The following MIA2 variants were observed in gnomAD, a reference collection of about 807,000 sequenced individuals.
The protein encoded by MIA2 is melanoma inhibitory activity protein 2.
A neutral mutation model predicts 167.8 loss-of-function variants in MIA2; 127 were observed. The ratio of observed to expected loss-of-function variants is 0.76; its 90% CI spans 0.66 to 0.88. MIA2 has a LOEUF of 0.88. MIA2 is among the 40% of genes least tolerant of loss of function. The pLI is 0.00. For synonymous variants in MIA2, 552 were observed against 541.9 expected, an observed-to-expected ratio of 1.02 and a Z score of -0.26; for missense variants, 1,690 against 1,624.7, an observed-to-expected ratio of 1.04 and a Z score of -0.69.
intron 21 of MIA2, among the ~76,000 whole-genome samples, chr14:39,316,799 A>T (rs2065532452): frequency 6.6e-6 from 1 of 151,270 alleles, no homozygotes; most frequent in Non-Finnish European, 1.5e-5. Flanking sequence ...CTCTTTGAAG[A>T]TGGAGAGGTC....
intron 6 of MIA2, chr14:39,266,460 G>C (rs1043411605): frequency 2.0e-6 from 2 of 985,368 alleles, no homozygotes; most frequent in African/African-American, 3.5e-5. Context: ...ATTTGATTTA[G>C]CATTTGGGTA....
chr14:39,329,722 A>G (rs1396093780), intron 25 of MIA2, among the ~76,000 whole-genome samples: 1 of 150,584 alleles, frequency 6.6e-6, no homozygotes, highest in Non-Finnish European at 1.5e-5. Flanking sequence ...ATCTATTGAG[A>G]TAATCATGTG....
chr14:39,377,919 A>C (rs185989000), intron 23 of MIA2, among the ~76,000 whole-genome samples: 433 of 152,254 alleles, frequency 2.8e-3, no homozygotes, highest in African/African-American at 1.0e-2. Context: ...TCCCAAGAAA[A>C]CTTGGGGTTC....
At chr14:39,292,953 T>C (rs1459244971) in intron 10 of MIA2, among the ~76,000 whole-genome samples, 1 of 151,956 alleles carries the variant, frequency 6.6e-6, no homozygotes, top group Admixed American at 6.6e-5. Context: ...GGCTCTCCAC[T>C]TTTTTTTGTA....
intron 23 of MIA2, chr14:39,386,839 G>C (rs10146207): frequency 0.93 from 821,591 of 883,036 alleles, 382,773 homozygotes; most frequent in East Asian, 0.97. Flanking sequence ...TCAGCAACTC[G>C]TCTCTCTTCT....
intron 14 of MIA2, among the ~76,000 whole-genome samples, chr14:39,300,999 TACATATATAC>T (rs1265753676): frequency 1.1e-4 from 17 of 148,990 alleles, no homozygotes; most frequent in African/African-American, 4.0e-4. Flanking sequence ...TACACATATA[TACATATATAC>T]ACATATATAC....
chr14:39,288,467 A>ATT (rs1264770913), intron 9 of MIA2, among the ~76,000 whole-genome samples: 29 of 51,560 alleles, frequency 5.6e-4, no homozygotes, highest in Middle Eastern at 0.018. Context: ...ATATATATAT[A>ATT]TATATATATT....
At position 39,304,286 on chromosome 14, in the gene MIA2, T is replaced by C. The variant is rs1051012141; in HGVS notation, c.2788-5T>C. On this transcript the variant is annotated splice_region_variant and splice_polypyrimidine_tract_variant and intron_variant, in intron 16 of 28. Coordinates refer to ENST00000640607, the MANE Select transcript of MIA2 (RefSeq NM_001329214.4). Reference sequence around the variant, plus strand: ...TTACTTTTTTCCTTCTTCCCTTCTTTAAAGTTAAATGCTTCTTTAAAAACC... The same window carrying C: ...TTACTTTTTTCCTTCTTCCCTTCTTCAAAGTTAAATGCTTCTTTAAAAACC... The C allele has an allele frequency of 1.5e-6, 2 of 1,376,438 alleles. No individual in the cohort carries two copies. Among genetic ancestry groups the C allele is most frequent in the South Asian group, 2.7e-5 (2 of 74,454 alleles). 85.3% of individuals were successfully genotyped at this position (1,376,438 alleles called of 1,614,324 possible). A position where few individuals can be genotyped will look rare whatever the true frequency, so the allele number is the denominator to read the frequency against.
At chr14:39,362,793 AC>A (rs1403758557) in intron 23 of MIA2, among the ~76,000 whole-genome samples, 1 of 152,010 alleles carries the variant, frequency 6.6e-6, no homozygotes, top group Non-Finnish European at 1.5e-5. Context: ...TTTTCCTACT[AC>A]TTTTATATAG....
At chr14:39,296,322 AT>A (rs903314938) in intron 13 of MIA2, among the ~76,000 whole-genome samples, 17 of 147,668 alleles carry the variant, frequency 1.2e-4, no homozygotes, top group African/African-American at 2.2e-4. Context: ...CTGGGTTGGC[AT>A]TTTTTTTTTC....
chr14:39,323,893 C>A (rs188415164), intron 24 of MIA2, among the ~76,000 whole-genome samples: 1 of 152,110 alleles, frequency 6.6e-6, no homozygotes, highest in Admixed American at 6.6e-5. Flanking sequence ...GGTGTTTTAC[C>A]ATTTGTTTAA....
chr14:39,314,800 GTATA>G lies in MIA2; in HGVS notation c.3180+9_3180+12del, dbSNP rs75318507. The G allele has an allele frequency of 8.4e-3, 9,185 of 1,089,474 alleles. 375 individuals carry two copies. Among genetic ancestry groups the G allele is most frequent in the Admixed American group, 0.011 (502 of 45,474 alleles). 67.5% of individuals were successfully genotyped at this position (1,089,474 alleles called of 1,614,324 possible). On this transcript the variant is annotated splice_donor_variant and splice_donor_5th_base_variant and intron_variant, in intron 20 of 28. Transcript: ENST00000640607. LOFTEE classifies it high-confidence loss of function. ...AACTATTCATTCTTATCAAGGGCAG[GTATA>G]TATATATGTGTGTGTGTGTGTGTGT...
At chr14:39,363,345 C>A (rs979480086) in intron 23 of MIA2, among the ~76,000 whole-genome samples, 1 of 152,172 alleles carries the variant, frequency 6.6e-6, no homozygotes, top group Non-Finnish European at 1.5e-5. Context: ...GCCTGGCCAA[C>A]ATGGCAAAAT....
At chr14:39,346,252 C>T (rs955009283) in intron 26 of MIA2, among the ~76,000 whole-genome samples, 3 of 152,096 alleles carry the variant, frequency 2.0e-5, no homozygotes, top group Non-Finnish European at 2.9e-5. Flanking sequence ...TAGGTTTACT[C>T]CATATACCTA....
intron 6 of MIA2, among the ~76,000 whole-genome samples, chr14:39,267,760 T>A (rs2056209063): frequency 6.6e-6 from 1 of 152,220 alleles, no homozygotes; most frequent in African/African-American, 2.4e-5. Context: ...AGAAAGCACT[T>A]GCTTAGCTGG....
chr14:39,248,090 C>T lies in MIA2; in HGVS notation c.1516C>T (p.Pro506Ser), dbSNP rs781395330. 6.4e-7 allele frequency: 1 copy of T among 1,553,140 alleles called. No homozygotes were observed. Among genetic ancestry groups the T allele is most frequent in the Non-Finnish European group, 8.7e-7 (1 of 1,155,672 alleles). The change falls in exon 4 of 29, where the codon CCC (proline) becomes TCC (serine). Residue 506 changes from proline to serine, a missense_variant. Transcript: ENST00000640607. ...ETGEFSIDNY[P>S]TDNTKVMIFK... The stretch of plus-strand genomic sequence containing the variant: ...TGGAGAATTTTCCATTGATAATTAT[C>T]CCACAGATAATACAAAAGTTATGAT...
intron 17 of MIA2, among the ~76,000 whole-genome samples, chr14:39,306,568 T>C (rs1250924285): frequency 1.3e-5 from 2 of 152,176 alleles, no homozygotes; most frequent in Admixed American, 6.5e-5. Flanking sequence ...TGGCCCCACC[T>C]CTAACATTGG....
chr14:39,366,917 A>C (rs991332131), intron 23 of MIA2, among the ~76,000 whole-genome samples: 7 of 152,198 alleles, frequency 4.6e-5, no homozygotes, highest in African/African-American at 1.7e-4. Context: ...CAACAGCAGA[A>C]ATAGTTCTCA....
intron 18 of MIA2, among the ~76,000 whole-genome samples, chr14:39,313,137 A>G (rs965698071): frequency 1.4e-5 from 2 of 138,336 alleles, no homozygotes; most frequent in Non-Finnish European, 3.2e-5. Flanking sequence ...ATTAGACACA[A>G]TGCTTTACAA....
Sources: allele counts gnomAD v4.1 joint callset (sites outside exome capture counted in the v4.1 genomes callset), GRCh38; gene constraint gnomAD v4.1.1; transcripts MANE v1.5; gene names NCBI Gene and HGNC (gene_info 2026-07-23, HGNC 2026-07-21).